GLG1: variants seen among roughly 807,000 people sequenced by gnomAD.
The protein encoded by GLG1 is golgi glycoprotein 1.
A neutral mutation model predicts 160.5 loss-of-function variants in GLG1; 38 were observed. The ratio of observed to expected loss-of-function variants is 0.24; its 90% CI spans 0.18 to 0.31. The LOEUF is 0.31. Among genes scored for constraint, GLG1 ranks in the 10% least tolerant of loss-of-function variants. The pLI is 1.00. For synonymous variants in GLG1, 644 were observed against 543.4 expected (o/e 1.19, Z -2.57); for missense variants, 1,373 against 1,505.2 (o/e 0.91, Z 1.45).
Position 74,469,027 on chromosome 16 carries a change from G to T in GLG1, c.2355C>A (p.Arg785=), listed in dbSNP as rs1421785774. 13 of 1,613,962 alleles carry T rather than the reference G, an allele frequency of 8.1e-6. No homozygotes were observed. Among genetic ancestry groups the T allele is most frequent in the Non-Finnish European group, 1.1e-5 (13 of 1,179,894 alleles). Residue 785 remains arginine, a synonymous_variant, in exon 17 of 26, where the codon CGC becomes CGA. Transcript: ENST00000422840. ...DVVICLSTTV[R]NDTLQEAKEH... ...CCTTGGCTTCCTGCAGAGTGTCATTGCGCACGGTCGTGCTCAGGCAGATCA... is the reference window on the plus strand; with the variant it reads ...CCTTGGCTTCCTGCAGAGTGTCATTTCGCACGGTCGTGCTCAGGCAGATCA...
At chr16:74,601,955 C>G (rs771694252) in intron 1 of GLG1, among the ~76,000 whole-genome samples, 1 of 152,074 alleles carries the variant, frequency 6.6e-6, no homozygotes, top group Non-Finnish European at 1.5e-5. Flanking sequence ...CTCTTTGAGC[C>G]TATTTCTCTG....
chr16:74,543,265 A>G (rs1397624625), intron 1 of GLG1, among the ~76,000 whole-genome samples: 2 of 152,268 alleles, frequency 1.3e-5, no homozygotes, highest in African/African-American at 4.8e-5. Context: ...AGCTCAAAGA[A>G]AGAGACCAGG....
chr16:74,447,506 G>A lies in GLG1; in HGVS notation c.*5661C>T, dbSNP rs2014114139. ...CAGAAAAAAATGCACATTATGTTCA[G>A]AACATATCTCAGTAACATCTCAAAA... On this transcript the variant is annotated 3_prime_UTR_variant, in exon 26 of 26. Coordinates refer to ENST00000422840, the MANE Select transcript of GLG1 (RefSeq NM_001145667.2). 1 of 152,112 alleles carries A rather than the reference G, an allele frequency of 6.6e-6. No individual in the cohort carries two copies. Among genetic ancestry groups the A allele is most frequent in the African/African-American group, 2.4e-5 (1 of 41,418 alleles). The allele number at this position is 152,112 out of a possible 1,614,324, so 9.4% of individuals were successfully genotyped here.
chr16:74,529,023 G>T (rs1415934509), intron 2 of GLG1, among the ~76,000 whole-genome samples: 3 of 148,988 alleles, frequency 2.0e-5, no homozygotes, highest in African/African-American at 7.5e-5. Context: ...CTGGAGTGCA[G>T]TGGTACGATA....
At chr16:74,524,241 C>G (rs759065241) in intron 2 of GLG1, among the ~76,000 whole-genome samples, 2 of 152,048 alleles carry the variant, frequency 1.3e-5, no homozygotes, top group Admixed American at 6.6e-5. Flanking sequence ...AAAATGACAG[C>G]TCAATTTTTT....
At chr16:74,555,773 T>A (rs2018334140) in intron 1 of GLG1, among the ~76,000 whole-genome samples, 1 of 151,182 alleles carries the variant, frequency 6.6e-6, no homozygotes, top group African/African-American at 2.4e-5. Context: ...AAGATTTCTG[T>A]GGAAAAATCA....
At chr16:74,508,950 ACAAAG>A in intron 2 of GLG1, 25 bp from the exon 3 acceptor site, 2 of 921,140 alleles carry the variant, frequency 2.2e-6, no homozygotes, top group Non-Finnish European at 3.5e-6. Flanking sequence ...AAAAAAAAAA[ACAAAG>A]AAAAACTCCA....
intron 1 of GLG1, among the ~76,000 whole-genome samples, chr16:74,590,752 A>C (rs2143860855): frequency 6.7e-6 from 1 of 148,348 alleles, no homozygotes; most frequent in Non-Finnish European, 1.5e-5. Flanking sequence ...AGCCGTGATC[A>C]CACCACTGTA....
chr16:74,528,121 G>C (rs1436655398), intron 2 of GLG1, among the ~76,000 whole-genome samples: 4 of 151,886 alleles, frequency 2.6e-5, no homozygotes, highest in Non-Finnish European at 4.4e-5. Flanking sequence ...TCCTGACCTA[G>C]TGATCTGCCT....
intron 1 of GLG1, among the ~76,000 whole-genome samples, chr16:74,574,155 C>T (rs184800067): frequency 1.8e-4 from 28 of 152,338 alleles, no homozygotes; most frequent in Admixed American, 7.2e-4. Context: ...CTAAGCTTCT[C>T]AGCCTTTGGT....
intron 1 of GLG1, among the ~76,000 whole-genome samples, chr16:74,581,637 A>C (rs984534840): frequency 2.6e-5 from 4 of 151,952 alleles, no homozygotes; most frequent in African/African-American, 9.7e-5. Context: ...GTTAACAAAG[A>C]TCTTTCAAGA....
At chr16:74,512,729 A>C (rs1330544622) in intron 2 of GLG1, among the ~76,000 whole-genome samples, 1 of 152,160 alleles carries the variant, frequency 6.6e-6, no homozygotes, top group Non-Finnish European at 1.5e-5. Flanking sequence ...AAGCTCAACC[A>C]CAGGAGGACA....
intron 25 of GLG1, among the ~76,000 whole-genome samples, chr16:74,453,877 ATT>A (rs34556886): frequency 1.6e-4 from 23 of 144,260 alleles, no homozygotes; most frequent in Non-Finnish European, 1.5e-4. Flanking sequence ...TGTAAATTCT[ATT>A]TTTTTTTTTT....
At chr16:74,495,029 T>A (rs978448576) in intron 5 of GLG1, among the ~76,000 whole-genome samples, 198 bp from the exon 6 acceptor site, 3 of 151,682 alleles carry the variant, frequency 2.0e-5, no homozygotes, top group African/African-American at 7.3e-5. Flanking sequence ...AATATTCCCA[T>A]GATATTTGGA....
chr16:74,501,569 G>A (rs954759135), intron 4 of GLG1, among the ~76,000 whole-genome samples: 2 of 152,188 alleles, frequency 1.3e-5, no homozygotes. Context: ...CTAGAAGGAG[G>A]CTAATCAGCT....
chr16:74,492,798 G>A (rs1405956892), intron 7 of GLG1, among the ~76,000 whole-genome samples, 159 bp downstream of exon 7: 2 of 147,794 alleles, frequency 1.4e-5, no homozygotes, highest in African/African-American at 2.5e-5. Flanking sequence ...CAGCCTGGGC[G>A]ACAGAGCGAG....
At chr16:74,600,256 G>A (rs1226015403) in intron 1 of GLG1, among the ~76,000 whole-genome samples, 1 of 152,048 alleles carries the variant, frequency 6.6e-6, no homozygotes, top group Non-Finnish European at 1.5e-5. Flanking sequence ...AAGGCTAAGT[G>A]GTGTTGTGTA....
intron 1 of GLG1, among the ~76,000 whole-genome samples, chr16:74,600,525 G>C (rs899870581): frequency 6.6e-6 from 1 of 151,756 alleles, no homozygotes; most frequent in Non-Finnish European, 1.5e-5. Flanking sequence ...TGAGGTCAGA[G>C]GTTCAAGACC....
intron 1 of GLG1, among the ~76,000 whole-genome samples, chr16:74,597,926 G>A (rs554928816): frequency 6.6e-6 from 1 of 151,148 alleles, no homozygotes; most frequent in East Asian, 1.9e-4. Flanking sequence ...TGAGGCAGGA[G>A]AATCGCTTGA....
Sources: allele counts gnomAD v4.1 joint callset (sites outside exome capture counted in the v4.1 genomes callset), GRCh38; gene constraint gnomAD v4.1.1; transcripts MANE v1.5; gene names NCBI Gene and HGNC (gene_info 2026-07-23, HGNC 2026-07-21).